Variants in NUSAP1 observed in about 807,000 individuals in gnomAD.
NUSAP1 encodes nucleolar and spindle-associated protein 1.
In NUSAP1, 32 loss-of-function variants were observed where a neutral mutation model predicts 52.8. That is an observed-to-expected ratio of 0.61 (90% CI 0.46 to 0.81). The LOEUF is 0.81. Among genes scored for constraint, NUSAP1 ranks in the 40% least tolerant of loss-of-function variants. The pLI, the probability that NUSAP1 is intolerant of heterozygous loss-of-function variation, is 0.00. For missense variants in NUSAP1, 499 were observed against 522.3 expected (o/e 0.96, Z 0.43); for synonymous variants, 195 against 183.1 (o/e 1.06, Z -0.52).
At chr15:41,364,338 C>G (rs1040919258) in intron 6 of NUSAP1, among the ~76,000 whole-genome samples, 40 of 151,868 alleles carry the variant, frequency 2.6e-4, no homozygotes, top group African/African-American at 9.4e-4. Flanking sequence ...ACAAGGTCAG[C>G]AGTTCAAGAC....
intron 2 of NUSAP1, among the ~76,000 whole-genome samples, chr15:41,346,697 C>G (rs1045331160): frequency 1.3e-5 from 2 of 151,442 alleles, no homozygotes; most frequent in African/African-American, 4.8e-5. Context: ...TGTGGTGGCA[C>G]GCACCTGTAG....
At position 41,332,905 on chromosome 15, in the gene NUSAP1, C is replaced by T. The variant is rs2047964024; in HGVS notation, c.-53C>T. ...AGTGGCGCCAGGGATTTGAACCGCG[C>T]TGACGAAGTTTGGTGATCCATCTTC... On this transcript the variant is annotated 5_prime_UTR_variant, in exon 1 of 11. Transcript: ENST00000559596. The T allele has an allele frequency of 1.4e-6, 2 of 1,418,984 alleles. No homozygotes were observed. The highest frequency in any genetic ancestry group is 1.4e-5 in the African/African-American group (1 of 70,770). 87.9% of individuals were successfully genotyped at this position (1,418,984 alleles called of 1,614,324 possible).
In NUSAP1 at chr15:41,351,065, A is replaced by G; in HGVS notation, c.384A>G (p.Arg128=). ...NHEKQESQDL[R]ATAKVPSPPD... ...AAAAGCAGGAAAGCCAGGATCTCAGAGCTACTGCAAAAGTTCCTTCTCCAC... is the reference window on the plus strand; with the variant it reads ...AAAAGCAGGAAAGCCAGGATCTCAGGGCTACTGCAAAAGTTCCTTCTCCAC... Residue 128 remains arginine (R), a synonymous_variant, in exon 4 of 11, where the codon AGA becomes AGG. Transcript: ENST00000559596. The G allele has an allele frequency of 6.2e-7, 1 of 1,613,776 alleles. No homozygotes were observed. Among genetic ancestry groups the G allele is most frequent in the Non-Finnish European group, 8.5e-7 (1 of 1,179,756 alleles).
chr15:41,367,320 C>T (rs531829600), intron 7 of NUSAP1, among the ~76,000 whole-genome samples: 3 of 152,180 alleles, frequency 2.0e-5, no homozygotes, highest in African/African-American at 7.2e-5. Flanking sequence ...GAGTCTCTCC[C>T]GTTCCAGGGA....
intron 1 of NUSAP1, among the ~76,000 whole-genome samples, chr15:41,337,546 A>G (rs958697008): frequency 6.6e-6 from 1 of 152,230 alleles, no homozygotes; most frequent in African/African-American, 2.4e-5. Context: ...TTTTAAAAAA[A>G]TAAAAAAGCC....
At chr15:41,353,759 C>A (rs945465128) in intron 4 of NUSAP1, among the ~76,000 whole-genome samples, 1 of 152,280 alleles carries the variant, frequency 6.6e-6, no homozygotes, top group African/African-American at 2.4e-5. Flanking sequence ...AGACTCATAG[C>A]TCTATAGCAT....
intron 8 of NUSAP1, among the ~76,000 whole-genome samples, chr15:41,371,977 A>G (rs1453181119): frequency 1.3e-5 from 2 of 152,210 alleles, no homozygotes; most frequent in East Asian, 3.9e-4. Context: ...CATGTTGGTC[A>G]GGCTGGTCTC....
intron 7 of NUSAP1, 54 bp downstream of exon 7, chr15:41,365,643 T>TAA: frequency 7.4e-7 from 1 of 1,346,138 alleles, no homozygotes; most frequent in East Asian, 2.6e-5. Context: ...ATGGACTATA[T>TAA]AAAAAAAAAA....
intron 6 of NUSAP1, among the ~76,000 whole-genome samples, chr15:41,359,271 A>G (rs2049082051): frequency 6.6e-6 from 1 of 152,028 alleles, no homozygotes; most frequent in Non-Finnish European, 1.5e-5. Context: ...GATTATATTT[A>G]TTTCTATTCG....
At chr15:41,351,505 G>T (rs752740246) in intron 4 of NUSAP1, among the ~76,000 whole-genome samples, 4 of 152,176 alleles carry the variant, frequency 2.6e-5, no homozygotes, top group Non-Finnish European at 4.4e-5. Flanking sequence ...ACCCAAATAG[G>T]CCAAGCATAG....
intron 1 of NUSAP1, among the ~76,000 whole-genome samples, chr15:41,337,866 T>C (rs1358323458): frequency 6.6e-6 from 1 of 152,066 alleles, no homozygotes; most frequent in Non-Finnish European, 1.5e-5. Context: ...CTGGTTGTCT[T>C]TTCTCTAACT....
intron 4 of NUSAP1, among the ~76,000 whole-genome samples, chr15:41,355,166 A>C (rs535485823): frequency 6.8e-6 from 1 of 147,530 alleles, no homozygotes; most frequent in South Asian, 2.2e-4. Flanking sequence ...CTGTATTTTT[A>C]TTTTATGTAT....
chr15:41,369,580 G>A (rs2049574797), intron 7 of NUSAP1, among the ~76,000 whole-genome samples: 1 of 151,376 alleles, frequency 6.6e-6, no homozygotes, highest in African/African-American at 2.4e-5. Context: ...CCCAGGAGGT[G>A]GAGGTTTCAG....
intron 2 of NUSAP1, among the ~76,000 whole-genome samples, chr15:41,343,729 G>C (rs1193958500): frequency 6.6e-6 from 1 of 151,698 alleles, no homozygotes; most frequent in Admixed American, 6.6e-5. Flanking sequence ...GACCTCAGTT[G>C]ATCTACCTGC....
chr15:41,377,490 G>C (rs975984610), intron 10 of NUSAP1, among the ~76,000 whole-genome samples, 186 bp downstream of exon 10: 1 of 139,754 alleles, frequency 7.2e-6, no homozygotes, highest in South Asian at 2.3e-4. Context: ...ACGAGGTCAG[G>C]AGATCGAAAC....
intron 7 of NUSAP1, among the ~76,000 whole-genome samples, chr15:41,368,206 T>A (rs2049501138): frequency 6.6e-6 from 1 of 152,166 alleles, no homozygotes; most frequent in Non-Finnish European, 1.5e-5. Context: ...TTTGTAGAGA[T>A]GAGGTCTTGC....
At chr15:41,349,584 C>T (rs1346368821) in intron 3 of NUSAP1, among the ~76,000 whole-genome samples, 2 of 152,050 alleles carry the variant, frequency 1.3e-5, no homozygotes, top group Non-Finnish European at 2.9e-5. Flanking sequence ...TTAAATTCTC[C>T]TTCCTACCTT....
At chr15:41,337,453 T>G (rs2140509376) in intron 1 of NUSAP1, among the ~76,000 whole-genome samples, 1 of 152,310 alleles carries the variant, frequency 6.6e-6, no homozygotes, top group South Asian at 2.1e-4. Context: ...TTCCTACAAT[T>G]AGAGCCTCTC....
chr15:41,371,494 T>C, intron 7 of NUSAP1, 33 bp from the exon 8 acceptor site: 1 of 1,540,564 alleles, frequency 6.5e-7, no homozygotes, highest in Non-Finnish European at 8.7e-7. Context: ...CTTGCCACAG[T>C]ACTCATGTCT....
Sources: gnomAD v4.1 joint callset for allele counts (sites outside exome capture counted in the v4.1 genomes callset) on GRCh38, gnomAD v4.1.1 for gene constraint, MANE v1.5 for transcripts, NCBI Gene and HGNC (gene_info 2026-07-23, HGNC 2026-07-21) for gene names.